DACH2: variants seen among roughly 807,000 people sequenced by gnomAD.
DACH2 encodes the protein dachshund homolog 2.
In DACH2, 17 loss-of-function variants were observed where a neutral mutation model predicts 35.8. The ratio of observed to expected loss-of-function variants is 0.48; its 90% CI spans 0.33 to 0.71. The LOEUF (loss-of-function observed/expected upper bound fraction) is 0.71. Among genes scored for constraint, DACH2 ranks in the 30% least tolerant of loss-of-function variants. The pLI is 0.02. For missense variants in DACH2, 469 were observed against 472.7 expected, an observed-to-expected ratio of 0.99 and a Z score of 0.07; for synonymous variants, 195 against 177.3, an observed-to-expected ratio of 1.10 and a Z score of -0.79.
chrX:86,510,715 GTT>G (rs754699360), intron 2 of DACH2, among the ~76,000 whole-genome samples: 1 of 111,388 alleles, frequency 9.0e-6, no homozygotes, highest in East Asian at 2.8e-4. Context: ...TATTTATTAA[GTT>G]TGACTATTTT....
intron 1 of DACH2, among the ~76,000 whole-genome samples, chrX:86,183,182 C>G (rs933707329): frequency 9.0e-6 from 1 of 111,660 alleles, no homozygotes; most frequent in African/African-American, 3.3e-5. Context: ...TTTCTCTTGC[C>G]TGATTGCCCT....
chrX:86,684,306 A>T (rs1352328972), intron 4 of DACH2, among the ~76,000 whole-genome samples: 1 of 111,961 alleles, frequency 8.9e-6, no homozygotes, highest in Non-Finnish European at 1.9e-5. Context: ...TACAGAAATG[A>T]TATTACTTTG....
At chrX:86,735,759 A>G (rs1462067347) in intron 6 of DACH2, among the ~76,000 whole-genome samples, 1 of 111,826 alleles carries the variant, frequency 8.9e-6, no homozygotes, top group African/African-American at 3.2e-5. Context: ...CACAAATTAA[A>G]TATGTGAAAA....
chrX:86,157,844 A>T (rs1439061406), intron 1 of DACH2, among the ~76,000 whole-genome samples: 1 of 111,209 alleles, frequency 9.0e-6, no homozygotes, highest in African/African-American at 3.3e-5. Context: ...TTAATGCATT[A>T]TGTATGTTAT....
chrX:86,539,353 T>C (rs181864592), intron 3 of DACH2, among the ~76,000 whole-genome samples: 1,344 of 111,615 alleles, frequency 0.012, 14 homozygotes, highest in Middle Eastern at 0.046. Flanking sequence ...AAACCTCTTT[T>C]CTTTTTAAAT....
At chrX:86,466,755 T>G (rs2037676589) in intron 2 of DACH2, among the ~76,000 whole-genome samples, 1 of 111,660 alleles carries the variant, frequency 9.0e-6, no homozygotes, top group African/African-American at 3.3e-5. Flanking sequence ...ACCTCAATTC[T>G]TGACTTCTGT....
chrX:86,557,388 T>C (rs2039147610), intron 3 of DACH2, among the ~76,000 whole-genome samples: 1 of 109,624 alleles, frequency 9.1e-6, no homozygotes, highest in Admixed American at 9.8e-5. Context: ...TGCCTCCAGC[T>C]TTGTTCTTTT....
chrX:86,643,799 G>T (rs191180207), intron 3 of DACH2, among the ~76,000 whole-genome samples: 1 of 111,627 alleles, frequency 9.0e-6, no homozygotes, highest in African/African-American at 3.2e-5. Context: ...AGGATGCAAG[G>T]TTGGTTCAAC....
At chrX:86,332,340 T>C (rs748144552) in intron 1 of DACH2, among the ~76,000 whole-genome samples, 1 of 111,647 alleles carries the variant, frequency 9.0e-6, no homozygotes, top group Admixed American at 9.6e-5. Context: ...CTAAGAATCA[T>C]AATTGTGGCC....
chrX:86,491,226 T>C (rs1339197044), intron 2 of DACH2, among the ~76,000 whole-genome samples: 1 of 111,935 alleles, frequency 8.9e-6, no homozygotes, highest in African/African-American at 3.2e-5. Flanking sequence ...ACAATGCTTT[T>C]ACGCCAGATA....
intron 1 of DACH2, among the ~76,000 whole-genome samples, chrX:86,375,437 A>C (rs1349110991): frequency 9.8e-6 from 1 of 102,317 alleles, no homozygotes; most frequent in East Asian, 3.0e-4. Context: ...TGGTAGCCAA[A>C]AAGTTTGTTG....
At chrX:86,290,590 G>A (rs1358033294) in intron 1 of DACH2, among the ~76,000 whole-genome samples, 2 of 109,063 alleles carry the variant, frequency 1.8e-5, no homozygotes, top group South Asian at 8.0e-4. Context: ...ATCTTGAATT[G>A]ATTTTTGTAT....
chrX:86,160,051 A>C, intron 1 of DACH2, among the ~76,000 whole-genome samples: 1 of 107,186 alleles, frequency 9.3e-6, no homozygotes, highest in South Asian at 3.8e-4. Context: ...TAAAAAAAAA[A>C]ACAAAAAAAA....
At position 86,334,064 on chromosome X, in the gene DACH2, T is replaced by A. The variant is rs938649384; in HGVS notation, c.489-42760T>A. ...GAATGATGGTTTCGAGTTTCATCCA[T>A]GTCCCTTCAAAAGACATGAATTCAT... On this transcript the variant is annotated intron_variant, in intron 1 of 11. Coordinates refer to ENST00000373125, the MANE Select transcript of DACH2 (RefSeq NM_053281.3). Among the ~76,000 whole-genome samples the A allele has an allele frequency of 2.7e-5, 3 of 112,084 alleles. No homozygotes were observed. In the East Asian group the frequency reaches 8.5e-4, roughly 32 times the overall value.
At chrX:86,621,609 CCTTATTACTTATTCACCATGTGAT>C (rs1340158465) in intron 3 of DACH2, among the ~76,000 whole-genome samples, 1 of 111,223 alleles carries the variant, frequency 9.0e-6, no homozygotes, top group Non-Finnish European at 1.9e-5. Flanking sequence ...CAATTCTCTG[CCTTATTACTTATTCACCATGTGAT>C]CTTGCACATG....
intron 1 of DACH2, among the ~76,000 whole-genome samples, chrX:86,261,022 C>T (rs1428929616): frequency 1.8e-5 from 2 of 112,115 alleles, no homozygotes; most frequent in East Asian, 5.6e-4. Context: ...GTAATTTTAG[C>T]AATTTTAATT....
intron 2 of DACH2, among the ~76,000 whole-genome samples, chrX:86,396,346 C>T (rs1157223928): frequency 1.0e-5 from 1 of 95,451 alleles, no homozygotes; most frequent in Non-Finnish European, 2.1e-5. Context: ...GTTGCCTGTT[C>T]ACTCTGATGG....
At chrX:86,269,744 C>T (rs1165525832) in intron 1 of DACH2, among the ~76,000 whole-genome samples, 1 of 110,458 alleles carries the variant, frequency 9.1e-6, no homozygotes, top group Admixed American at 9.7e-5. Flanking sequence ...ACAAATATTA[C>T]ATAGAAATGA....
intron 2 of DACH2, among the ~76,000 whole-genome samples, chrX:86,468,092 A>T (rs1201839057): frequency 8.9e-6 from 1 of 111,895 alleles, no homozygotes; most frequent in Non-Finnish European, 1.9e-5. Context: ...TTCTTTCTGA[A>T]AATGAATGAT....
Sources: gnomAD v4.1 joint callset for allele counts (sites outside exome capture counted in the v4.1 genomes callset) on GRCh38, gnomAD v4.1.1 for gene constraint, MANE v1.5 for transcripts, NCBI Gene and HGNC (gene_info 2026-07-23, HGNC 2026-07-21) for gene names.